The following FYB2 variants were observed in gnomAD, a reference collection of about 807,000 sequenced individuals.
The protein encoded by FYB2 is FYN-binding protein 2.
A neutral mutation model predicts 94.1 loss-of-function variants in FYB2; 103 were observed. The ratio of observed to expected loss-of-function variants is 1.09; its 90% CI spans 0.93 to 1.29. The LOEUF (loss-of-function observed/expected upper bound fraction) is 1.29, where lower values mean the gene tolerates loss of function less well. Among genes scored for constraint, FYB2 ranks in the 50% most tolerant of loss-of-function variants. The pLI is 0.00. For missense variants in FYB2, 896 were observed against 841.5 expected (o/e 1.06, Z -0.80); for synonymous variants, 293 against 287.9 (o/e 1.02, Z -0.18).
chr1:56,794,630 C>G (rs1473264002), intron 1 of FYB2, among the ~76,000 whole-genome samples: 1 of 152,006 alleles, frequency 6.6e-6, no homozygotes, highest in Non-Finnish European at 1.5e-5. Context: ...TACATGCACT[C>G]TCTCTCCTTT....
Position 56,792,111 on chromosome 1 carries a change from CGG to C in FYB2, c.700_701del (p.Pro234GlyfsTer10). On this transcript the variant is annotated frameshift_variant, in exon 2 of 20. Transcript: ENST00000343433. LOFTEE classifies it high-confidence loss of function. ...AGATGGGCTGGCAGGGGCTGCTTGCCGGGCTCCTCTCAGGAGGTGGGTTTTCC... is the reference window on the plus strand; with the variant it reads ...AGATGGGCTGGCAGGGGCTGCTTGCCGCTCCTCTCAGGAGGTGGGTTTTCC... ...SWENPPPERS[P>X]ASSPCQPIYE... The C allele has an allele frequency of 6.2e-7, 1 of 1,611,040 alleles. No homozygotes were observed. Among genetic ancestry groups the C allele is most frequent in the Non-Finnish European group, 8.5e-7 (1 of 1,179,002 alleles).
upstream of FYB2, chr1:56,824,090 CAG>C: frequency 6.6e-6 from 1 of 152,322 alleles, no homozygotes; most frequent in East Asian, 1.9e-4. Flanking sequence ...TTTAGAGGCT[CAG>C]AGTACTAGGA....
chr1:56,783,915 G>C (rs1319651724), intron 4 of FYB2, among the ~76,000 whole-genome samples: 1 of 152,078 alleles, frequency 6.6e-6, no homozygotes, highest in African/African-American at 2.4e-5. Context: ...TGCCCTTGCT[G>C]GGAGGTTACA....
At chr1:56,776,194 C>T (rs857160) in intron 4 of FYB2, among the ~76,000 whole-genome samples, 120,915 of 152,034 alleles carry the variant, frequency 0.8, 48,970 homozygotes, top group East Asian at 0.95. Context: ...GTCAAGGAGC[C>T]TGTGAGTGGG....
At chr1:56,811,464 C>G (rs142597404) in intron 1 of FYB2, among the ~76,000 whole-genome samples, 40 of 152,278 alleles carry the variant, frequency 2.6e-4, no homozygotes, top group Admixed American at 2.4e-3. Context: ...CAGCCCATGG[C>G]GACCCAGCTG....
At chr1:56,766,135 C>G (rs532234111) in intron 5 of FYB2, among the ~76,000 whole-genome samples, 4 of 152,290 alleles carry the variant, frequency 2.6e-5, no homozygotes, top group Non-Finnish European at 5.9e-5. Flanking sequence ...TTGATATCAC[C>G]AAGGAACTTG....
intron 4 of FYB2, 31 bp from the exon 5 acceptor site, chr1:56,767,969 CA>C: frequency 6.8e-7 from 1 of 1,464,272 alleles, no homozygotes; most frequent in Non-Finnish European, 9.4e-7. Flanking sequence ...TAAAATGTAA[CA>C]TTTTTAAAAA....
intron 4 of FYB2, among the ~76,000 whole-genome samples, chr1:56,777,971 A>G (rs1645921246): frequency 6.6e-6 from 1 of 152,104 alleles, no homozygotes; most frequent in Admixed American, 6.6e-5. Context: ...TTTTTTTAAA[A>G]AAAGAACCAC....
At chr1:56,729,973 C>A (rs1034185432) in intron 15 of FYB2, among the ~76,000 whole-genome samples, 3 of 151,920 alleles carry the variant, frequency 2.0e-5, no homozygotes, top group African/African-American at 7.2e-5. Flanking sequence ...CTTAAAAATT[C>A]TTTGAAACAA....
chr1:56,765,799 C>T (rs970041052), intron 5 of FYB2, among the ~76,000 whole-genome samples: 2 of 152,180 alleles, frequency 1.3e-5, no homozygotes, highest in Non-Finnish European at 2.9e-5. Context: ...CTTCTCTCTA[C>T]CTTTCAGAGT....
rs75638102 is a variant in FYB2, at chr1:56,789,419, C to G, written c.758-285G>C. The stretch of plus-strand genomic sequence containing the variant: ...GCATATTATATGTCTTGCTTCCCCC[C>G]ACTTAAAGCCCAAATATTTTTCACA... On this transcript the variant is annotated intron_variant, in intron 2 of 19. Transcript: ENST00000343433. Among the ~76,000 whole-genome samples, 913 of 152,312 alleles carry G rather than the reference C, an allele frequency of 6.0e-3. 27 individuals carry two copies. Among genetic ancestry groups the G allele is most frequent in the East Asian group, 0.049 (256 of 5,184 alleles).
At chr1:56,814,284 G>A (rs952014009) in intron 1 of FYB2, among the ~76,000 whole-genome samples, 1 of 152,224 alleles carries the variant, frequency 6.6e-6, no homozygotes, top group Non-Finnish European at 1.5e-5. Flanking sequence ...CAGAGCTTGG[G>A]CTGTACTCTG....
the FYB2 span, among the ~76,000 whole-genome samples, chr1:56,826,272 T>C: frequency 6.6e-6 from 1 of 152,192 alleles, no homozygotes; most frequent in African/African-American, 2.4e-5. Context: ...TTCTTAGTTT[T>C]ACCTGATTGA....
chr1:56,751,822 G>A (rs977323479), intron 8 of FYB2, among the ~76,000 whole-genome samples: 49 of 152,146 alleles, frequency 3.2e-4, no homozygotes, highest in African/African-American at 1.2e-3. Context: ...TGGAGATAAT[G>A]CATGCAAATG....
intron 4 of FYB2, among the ~76,000 whole-genome samples, chr1:56,768,961 T>C (rs1317465400): frequency 6.6e-6 from 1 of 152,240 alleles, no homozygotes; most frequent in East Asian, 1.9e-4. Flanking sequence ...GTTCTTAAGA[T>C]AAAAAATTTA....
chr1:56,793,723 C>T (rs1328976270), intron 1 of FYB2, among the ~76,000 whole-genome samples: 1 of 118,890 alleles, frequency 8.4e-6, no homozygotes, highest in Non-Finnish European at 1.6e-5. Flanking sequence ...ACTTCCTGAA[C>T]CTAAAACGAA....
intron 4 of FYB2, among the ~76,000 whole-genome samples, chr1:56,770,236 C>G (rs1570085356): frequency 6.6e-6 from 1 of 151,990 alleles, no homozygotes; most frequent in Non-Finnish European, 1.5e-5. Context: ...GAAAGAAACA[C>G]AAAAACTAAT....
At chr1:56,744,298 C>T in intron 9 of FYB2, 32 bp from the exon 10 acceptor site, 1 of 1,493,254 alleles carries the variant, frequency 6.7e-7, no homozygotes, top group Non-Finnish European at 9.3e-7. Flanking sequence ...TGAAAAACAT[C>T]ACATCAGCTG....
chr1:56,725,997 T>C (rs1195558438), intron 16 of FYB2, among the ~76,000 whole-genome samples: 1 of 152,098 alleles, frequency 6.6e-6, no homozygotes, highest in South Asian at 2.1e-4. Flanking sequence ...GGAAATTTAA[T>C]TACATGAATG....
Sources: allele counts gnomAD v4.1 joint callset (sites outside exome capture counted in the v4.1 genomes callset), GRCh38; gene constraint gnomAD v4.1.1; transcripts MANE v1.5; gene names NCBI Gene and HGNC (gene_info 2026-07-23, HGNC 2026-07-21).